The following PAX2 variants were observed in gnomAD, a reference collection of about 807,000 sequenced individuals.
PAX2 encodes paired box 2.
In PAX2, 9 loss-of-function variants were observed where a neutral mutation model predicts 41.7. The ratio of observed to expected loss-of-function variants is 0.22; its 90% CI spans 0.13 to 0.38. The LOEUF (loss-of-function observed/expected upper bound fraction) is 0.38, where lower values mean the gene tolerates loss of function less well. PAX2 is among the 10% of genes least tolerant of loss of function. PAX2 has a pLI of 1.00. For missense variants in PAX2, 418 were observed against 531.6 expected (o/e 0.79, Z 2.10); for synonymous variants, 221 against 212.7 (o/e 1.04, Z -0.34).
intron 3 of PAX2, among the ~76,000 whole-genome samples, chr10:100,764,721 C>A (rs1455991275): frequency 7.9e-5 from 12 of 152,078 alleles, no homozygotes. Context: ...CTGCACATTC[C>A]TTCTCTTGGA....
chr10:100,747,623 G>A (rs1182970618), intron 1 of PAX2: 1 of 984,932 alleles, frequency 1.0e-6, no homozygotes, highest in African/African-American at 1.7e-5. Context: ...CGAGGAGGGA[G>A]AGCTGTGTTT....
At chr10:100,808,975 C>A in intron 6 of PAX2, 135 bp from the exon 7 acceptor site, 1 of 822,796 alleles carries the variant, frequency 1.2e-6, no homozygotes. Context: ...CAAGCCCCCG[C>A]ATCTCCCCTC....
At chr10:100,784,599 C>T (rs567424325) in intron 5 of PAX2, among the ~76,000 whole-genome samples, 5 of 152,188 alleles carry the variant, frequency 3.3e-5, no homozygotes, top group African/African-American at 7.2e-5. Context: ...AACAATGTCA[C>T]GGTGATGGGC....
At chr10:100,739,757 C>T (rs1000103369) in intron 1 of PAX2, among the ~76,000 whole-genome samples, 1 of 152,250 alleles carries the variant, frequency 6.6e-6, no homozygotes, top group South Asian at 2.1e-4. Context: ...ACGCCGGGGA[C>T]GTCCTGGGTC....
intron 3 of PAX2, among the ~76,000 whole-genome samples, chr10:100,761,492 T>C (rs1331904012): frequency 1.3e-5 from 2 of 152,292 alleles, no homozygotes; most frequent in East Asian, 3.9e-4. Context: ...CAAAAAAAGT[T>C]GAGAGAAATT....
rs374370359 is a variant in PAX2, at chr10:100,739,480, T to C, written c.25+3747T>C. ...GATGGATCCGAGACGGTAGATTTGG[T>C]GCCGGCTCGCAACTCTGGGAAACTC... On this transcript the variant is annotated intron_variant, in intron 1 of 9. Transcript: ENST00000679374. Among the ~76,000 whole-genome samples, 169 of 152,230 alleles carry C rather than the reference T, an allele frequency of 1.1e-3. 1 individual carries two copies. The highest frequency in any genetic ancestry group is 6.8e-3 in the Middle Eastern group (2 of 294).
intron 7 of PAX2, among the ~76,000 whole-genome samples, chr10:100,812,766 T>C (rs186240929): frequency 6.6e-6 from 1 of 152,276 alleles, no homozygotes; most frequent in East Asian, 1.9e-4. Context: ...GAGGAGAAGA[T>C]GAGAACTTAC....
rs970609517 is a variant in PAX2 at position 100,803,090 on chromosome 10, C to G, written c.617-3340C>G. On this transcript the variant is annotated intron_variant, in intron 5 of 9. Transcript: ENST00000355243. The stretch of plus-strand genomic sequence containing the variant: ...TTCCTTTTTGACTCTTCCTCCTTTA[C>G]TCTCTTCTTCTTTTCCTCCTCCTCT... Among the ~76,000 whole-genome samples, 3 of 152,148 alleles carry G rather than the reference C, an allele frequency of 2.0e-5. No homozygotes were observed. In the South Asian group the frequency reaches 6.2e-4, roughly 32 times the overall value.
intron 5 of PAX2, among the ~76,000 whole-genome samples, chr10:100,785,052 T>C (rs923333260): frequency 6.6e-6 from 1 of 152,218 alleles, no homozygotes; most frequent in African/African-American, 2.4e-5. Context: ...TCCCCATTCA[T>C]ATCATTCAAA....
Position 100,810,141 on chromosome 10 carries a change from G to A in PAX2, c.919+905G>A, listed in dbSNP as rs539161148. Among the ~76,000 whole-genome samples, 89 of 152,306 alleles carry A rather than the reference G, an allele frequency of 5.8e-4. 2 individuals carry two copies. Among genetic ancestry groups the A allele is most frequent in the Admixed American group, 1.8e-3 (27 of 15,302 alleles). On this transcript the variant is annotated intron_variant, in intron 7 of 9. Transcript: ENST00000355243. ...GGTGGGGATTGGGAGACACTGAGGC[G>A]TTACCTGCAGAGCGAGGCAAGCGGA...
At chr10:100,778,381 G>A (rs1429584892) in intron 3 of PAX2, among the ~76,000 whole-genome samples, 2 of 152,156 alleles carry the variant, frequency 1.3e-5, no homozygotes, top group African/African-American at 4.8e-5. Context: ...ATTCCCTCGG[G>A]TAACTGAGCT....
chr10:100,787,755 T>C (rs1470109594), intron 5 of PAX2, among the ~76,000 whole-genome samples: 2 of 151,692 alleles, frequency 1.3e-5, no homozygotes, highest in African/African-American at 4.8e-5. Context: ...CTGGCTGGGG[T>C]TGGGTGGGGG....
intron 7 of PAX2, 33 bp downstream of exon 7, chr10:100,809,269 C>T (rs202005299): frequency 4.5e-5 from 72 of 1,604,224 alleles, no homozygotes; most frequent in Non-Finnish European, 5.7e-5. Flanking sequence ...GGGGGCACTG[C>T]GTTCAGTGGA....
intron 1 of PAX2, chr10:100,749,475 G>T: frequency 7.8e-7 from 1 of 1,289,422 alleles, no homozygotes; most frequent in Non-Finnish European, 9.8e-7. Flanking sequence ...TCTGTCATCT[G>T]GTTTCTCTCC....
intron 5 of PAX2, among the ~76,000 whole-genome samples, chr10:100,784,083 C>T (rs989842555): frequency 3.3e-5 from 5 of 152,214 alleles, no homozygotes; most frequent in Admixed American, 1.3e-4. Flanking sequence ...GCTGTGGCAG[C>T]CCCTCCTCCC....
chr10:100,737,376 G>A (rs1844806720), intron 1 of PAX2, among the ~76,000 whole-genome samples: 2 of 152,354 alleles, frequency 1.3e-5, no homozygotes, highest in African/African-American at 4.8e-5. Context: ...ACCCAGGGGC[G>A]CCTGCACCTA....
intron 1 of PAX2, chr10:100,747,961 C>T (rs1417713359): frequency 3.1e-6 from 3 of 983,384 alleles, no homozygotes; most frequent in Non-Finnish European, 2.4e-6. Flanking sequence ...GGTTTCTGCA[C>T]GGCCAAGCAG....
chr10:100,749,840 C>T lies in PAX2; in HGVS notation c.138C>T (p.His46=). 6.2e-7 allele frequency: 1 copy of T among 1,612,048 alleles called. No homozygotes were observed. Among genetic ancestry groups the T allele is most frequent in the Non-Finnish European group, 8.5e-7 (1 of 1,179,222 alleles). ...VVRQRIVELA[H]QGVRPCDISR... is the part of the protein sequence containing the mutation. ...GGCAGCGCATCGTGGAGCTGGCCCA[C>T]CAGGGTGTGCGGCCCTGTGACATCT... Residue 46 remains histidine, a synonymous_variant, in exon 2 of 10, where the codon CAC becomes CAT. Transcript: ENST00000355243.
intron 3 of PAX2, among the ~76,000 whole-genome samples, chr10:100,752,170 C>T (rs950559329): frequency 1.3e-5 from 2 of 152,140 alleles, no homozygotes; most frequent in Non-Finnish European, 2.9e-5. Flanking sequence ...AGAAATTATC[C>T]CAGTGTGTGC....
Sources: gnomAD v4.1 joint callset for allele counts (sites outside exome capture counted in the v4.1 genomes callset) on GRCh38, gnomAD v4.1.1 for gene constraint, MANE v1.5 for transcripts, NCBI Gene and HGNC (gene_info 2026-07-23, HGNC 2026-07-21) for gene names.